The following USP13 variants were observed in gnomAD, a reference collection of about 807,000 sequenced individuals.
The protein encoded by USP13 is ubiquitin specific peptidase 13.
USP13 carries 68 observed loss-of-function variants against 107.8 expected under a neutral mutation model. That is an observed-to-expected ratio of 0.63 (90% CI 0.52 to 0.77). The LOEUF (loss-of-function observed/expected upper bound fraction) is 0.77. Ranked by LOEUF, USP13 falls within the 30% of genes least tolerant of loss-of-function variation. The pLI is 0.00. For missense variants in USP13, 945 were observed against 1,093.3 expected, an observed-to-expected ratio of 0.86 and a Z score of 1.91; for synonymous variants, 377 against 389.5, an observed-to-expected ratio of 0.97 and a Z score of 0.38.
At chr3:179,714,317 G>A (rs182986725) in intron 6 of USP13, among the ~76,000 whole-genome samples, 69 of 152,220 alleles carry the variant, frequency 4.5e-4, no homozygotes, top group African/African-American at 1.6e-3. Context: ...CTTTACCCCC[G>A]ACCTGGGCAT....
chr3:179,716,222 C>T (rs1713109278), intron 6 of USP13, among the ~76,000 whole-genome samples: 7 of 152,152 alleles, frequency 4.6e-5, no homozygotes, highest in Admixed American at 4.6e-4. Context: ...CCGTGCCCGG[C>T]CTTCCATAGT....
intron 4 of USP13, among the ~76,000 whole-genome samples, chr3:179,703,445 G>C (rs554617289): frequency 6.6e-5 from 10 of 152,324 alleles, no homozygotes; most frequent in African/African-American, 2.2e-4. Context: ...CTACCAGAAA[G>C]TTAAAGCACC....
Position 179,754,784 on chromosome 3 carries a change from G to A in USP13, c.1851G>A (p.Arg617=), listed in dbSNP as rs1397140822. Residue 617 remains arginine, a synonymous_variant, in exon 15 of 21, where the codon AGG becomes AGA. Transcript: ENST00000263966. The stretch of plus-strand genomic sequence containing the variant: ...TTGATATCAACCATCTCCGAGCCAG[G>A]GGGTTACAGCCAGGAGAGGAAGAAC... ...DLLDINHLRA[R]GLQPGEEELP... The A allele has an allele frequency of 1.2e-6, 2 of 1,613,166 alleles. No homozygotes were observed. Among genetic ancestry groups the A allele is most frequent in the Non-Finnish European group, 8.5e-7 (1 of 1,179,726 alleles).
At position 179,741,453 on chromosome 3, in the gene USP13, CT is replaced by C. The variant is rs964867559; in HGVS notation, c.1381-733del. ...TCTGTTTATCATTTATTAGTGATAA[CT>C]TTTTTTTTTTAGAATAAAGCCTCCC... On this transcript the variant is annotated intron_variant, in intron 11 of 20. Transcript: ENST00000263966. Among the ~76,000 whole-genome samples, 1,233 of 147,610 alleles carry C rather than the reference CT, an allele frequency of 8.4e-3. 14 individuals carry two copies. Among genetic ancestry groups the C allele is most frequent in the African/African-American group, 0.028 (1,124 of 40,528 alleles).
intron 8 of USP13, among the ~76,000 whole-genome samples, chr3:179,722,579 A>C (rs978978742): frequency 6.6e-6 from 1 of 152,176 alleles, no homozygotes; most frequent in African/African-American, 2.4e-5. Flanking sequence ...ATGTGTAATA[A>C]TCACATTGGG....
At chr3:179,714,690 C>A (rs1461472422) in intron 6 of USP13, among the ~76,000 whole-genome samples, 1 of 152,074 alleles carries the variant, frequency 6.6e-6, no homozygotes, top group Non-Finnish European at 1.5e-5. Flanking sequence ...GAGTTTGAGA[C>A]CAGCCTGGGC....
chr3:179,708,448 GGGATT>G (rs1712802807), intron 5 of USP13, among the ~76,000 whole-genome samples: 1 of 112,538 alleles, frequency 8.9e-6, no homozygotes, highest in South Asian at 3.0e-4. Flanking sequence ...GCTGGGATTT[GGGATT>G]ACAGGTGCCC....
chr3:179,706,110 A>G (rs770545599), intron 4 of USP13, among the ~76,000 whole-genome samples: 4 of 102,468 alleles, frequency 3.9e-5, no homozygotes, highest in African/African-American at 6.8e-5. Flanking sequence ...TCTCTTGGAT[A>G]TATACCTATG....
intron 6 of USP13, among the ~76,000 whole-genome samples, chr3:179,711,413 A>C (rs1455119744): frequency 6.6e-6 from 1 of 152,114 alleles, no homozygotes; most frequent in African/African-American, 2.4e-5. Flanking sequence ...GGGTTTCACC[A>C]TGTTGGTCAG....
rs571186101 is a variant in USP13 at position 179,707,065 on chromosome 3, G to T, written c.609G>T (p.Arg203Ser). The T allele has an allele frequency of 4.3e-6, 7 of 1,613,708 alleles. 1 individual carries two copies. The South Asian group carries it at 6.6e-5, about 15-fold the overall frequency. ...TCACCCAGCTGGACAATGGAGTCAG[G>T]ATTCCTCCAAGGTGAGAGTCAGATA... ...NNLTQLDNGV[R>S]IPPSGWKCAR... is the part of the protein sequence containing the mutation. The change falls in exon 5 of 21, where the codon AGG (arginine) becomes AGT (serine). Residue 203 changes from arginine (R) to serine (S), a missense_variant. Arg to Ser is a moderately radical substitution (Grantham distance 110, BLOSUM62 -1). Coordinates refer to ENST00000263966, the MANE Select transcript of USP13 (RefSeq NM_003940.3).
intron 6 of USP13, among the ~76,000 whole-genome samples, chr3:179,712,954 G>T (rs1712982326): frequency 6.6e-6 from 1 of 151,410 alleles, no homozygotes; most frequent in South Asian, 2.1e-4. Flanking sequence ...TAGTATTCTT[G>T]GCCATTTGTA....
At chr3:179,683,264 A>G (rs1349232906) in intron 2 of USP13, among the ~76,000 whole-genome samples, 6 of 148,784 alleles carry the variant, frequency 4.0e-5, no homozygotes, top group Admixed American at 2.1e-4. Context: ...TTTATGAATT[A>G]TTTTGTAGAA....
chr3:179,676,613 T>C (rs1291296259), intron 1 of USP13, among the ~76,000 whole-genome samples: 1 of 152,194 alleles, frequency 6.6e-6, no homozygotes, highest in Non-Finnish European at 1.5e-5. Context: ...GTGCTGACTC[T>C]GTATGTGAAA....
At chr3:179,727,216 G>A (rs1713558314) in intron 8 of USP13, among the ~76,000 whole-genome samples, 1 of 142,358 alleles carries the variant, frequency 7.0e-6, no homozygotes, top group Non-Finnish European at 1.5e-5. Flanking sequence ...TCTCGCAGAG[G>A]GGGATTTGGC....
At chr3:179,661,428 C>T (rs1334787945) in intron 1 of USP13, among the ~76,000 whole-genome samples, 3 of 151,614 alleles carry the variant, frequency 2.0e-5, no homozygotes, top group Non-Finnish European at 2.9e-5. Context: ...ATTAGAGCTA[C>T]TTGAGCTGGG....
chr3:179,741,104 A>G (rs934471662), intron 11 of USP13, among the ~76,000 whole-genome samples: 1 of 151,874 alleles, frequency 6.6e-6, no homozygotes, highest in Non-Finnish European at 1.5e-5. Flanking sequence ...TCCTGGTTAC[A>G]ACAGTGTTCT....
chr3:179,684,288 C>CAG (rs1033486915), intron 2 of USP13, among the ~76,000 whole-genome samples: 37 of 147,110 alleles, frequency 2.5e-4, no homozygotes, highest in Non-Finnish European at 3.0e-4. Context: ...CACACACACA[C>CAG]ACACACACAC....
chr3:179,675,032 AGGCAT>A (rs1720853448), intron 1 of USP13, among the ~76,000 whole-genome samples: 1 of 152,016 alleles, frequency 6.6e-6, no homozygotes. Flanking sequence ...AAAATTAGCC[AGGCAT>A]GGTGGCGGGC....
intron 8 of USP13, among the ~76,000 whole-genome samples, chr3:179,726,159 G>A (rs1713508034): frequency 6.6e-6 from 1 of 152,206 alleles, no homozygotes; most frequent in Admixed American, 6.5e-5. Flanking sequence ...GAGGCGACTT[G>A]TCAACAGGCT....
Sources: gnomAD v4.1 joint callset for allele counts (sites outside exome capture counted in the v4.1 genomes callset) on GRCh38, gnomAD v4.1.1 for gene constraint, MANE v1.5 for transcripts, NCBI Gene and HGNC (gene_info 2026-07-23, HGNC 2026-07-21) for gene names.